Variants in BTBD7 observed in about 807,000 individuals in gnomAD.
BTBD7 encodes BTB/POZ domain-containing protein 7.
In BTBD7, 38 loss-of-function variants were observed where a neutral mutation model predicts 99.9. That is an observed-to-expected ratio of 0.38 (90% CI 0.29 to 0.50). BTBD7 has a LOEUF of 0.50. Ranked by LOEUF, BTBD7 falls within the 20% of genes least tolerant of loss-of-function variation. BTBD7 has a pLI of 0.93. For missense variants in BTBD7, 1,170 were observed against 1,394.6 expected (o/e 0.84, Z 2.57); for synonymous variants, 520 against 511.4 (o/e 1.02, Z -0.23).
chr14:93,247,501 A>G (rs561714696), intron 9 of BTBD7, among the ~76,000 whole-genome samples: 1 of 152,240 alleles, frequency 6.6e-6, no homozygotes, highest in East Asian at 1.9e-4. Context: ...CCACGCCACC[A>G]CACCTGGCTG....
intron 1 of BTBD7, among the ~76,000 whole-genome samples, chr14:93,325,964 T>C (rs1180447566): frequency 6.6e-6 from 1 of 152,164 alleles, no homozygotes. Context: ...AAAGTTACTA[T>C]ATTATTTGAA....
intron 3 of BTBD7, 72 bp downstream of exon 3, chr14:93,293,786 C>G: frequency 6.6e-7 from 1 of 1,513,170 alleles, no homozygotes; most frequent in Non-Finnish European, 8.9e-7. Flanking sequence ...ATAGAATATA[C>G]TGGTTGTGTT....
At chr14:93,257,430 A>C (rs1337868440) in intron 5 of BTBD7, 75 bp from the exon 6 acceptor site, 1 of 1,383,146 alleles carries the variant, frequency 7.2e-7, no homozygotes, top group African/African-American at 1.4e-5. Context: ...TCTCTAGTAC[A>C]TACACTAACA....
intron 8 of BTBD7, among the ~76,000 whole-genome samples, chr14:93,248,904 AAATAC>A (rs2052342496): frequency 6.6e-6 from 1 of 152,224 alleles, no homozygotes; most frequent in Non-Finnish European, 1.5e-5. Context: ...TTTACAGTTC[AAATAC>A]AATTTTACTT....
intron 1 of BTBD7, among the ~76,000 whole-genome samples, chr14:93,300,153 A>T (rs912554481): frequency 2.0e-5 from 3 of 152,080 alleles, no homozygotes; most frequent in African/African-American, 7.2e-5. Flanking sequence ...CAGTTCCTGT[A>T]TCTGTAACAT....
rs762978635 is a variant in BTBD7 at position 93,248,592 on chromosome 14, G to T, written c.2005C>A (p.Gln669Lys). ...RRLQELRHTE[Q>K]VQRAYALNCG... ...TTCAGGGCATAGGCCCTCTGCACCT[G>T]CTCCGTGTGCCGCAGTTCCTGCAGT... The change falls in exon 9 of 11, where the codon CAG (glutamine) becomes AAG (lysine). Residue 669 changes from glutamine to lysine, a missense_variant. By Grantham distance (53) the Gln-to-Lys change is moderately conservative. Around this residue, in one of 4 missense-constraint regions of BTBD7, gnomAD observed 309 missense variants for 342.0 expected, o/e 0.90. Coordinates refer to ENST00000334746, the MANE Select transcript of BTBD7 (RefSeq NM_001002860.4). 1 of 1,613,912 alleles carries T rather than the reference G, an allele frequency of 6.2e-7. No homozygotes were observed. Among genetic ancestry groups the T allele is most frequent in the Admixed American group, 1.7e-5 (1 of 60,014 alleles).
At chr14:93,283,243 ATTTC>A (rs2052741039) in intron 3 of BTBD7, among the ~76,000 whole-genome samples, 2 of 151,984 alleles carry the variant, frequency 1.3e-5, no homozygotes, top group African/African-American at 2.4e-5. Context: ...CACTCGGCTA[ATTTC>A]TTTCTATTCT....
chr14:93,266,869 AAAGGCGTG>A (rs1407349952), intron 3 of BTBD7, among the ~76,000 whole-genome samples: 1 of 152,238 alleles, frequency 6.6e-6, no homozygotes, highest in Non-Finnish European at 1.5e-5. Context: ...GATGACACCC[AAAGGCGTG>A]AAGATGTGCT....
intron 10 of BTBD7, among the ~76,000 whole-genome samples, chr14:93,243,472 C>T (rs539442981): frequency 6.6e-6 from 1 of 152,274 alleles, no homozygotes; most frequent in South Asian, 2.1e-4. Flanking sequence ...GGATTACAGG[C>T]GTGAGCCACC....
At chr14:93,269,672 G>A (rs911601763) in intron 3 of BTBD7, among the ~76,000 whole-genome samples, 7 of 152,106 alleles carry the variant, frequency 4.6e-5, no homozygotes, top group African/African-American at 1.7e-4. Flanking sequence ...GTAAAATTCA[G>A]CAAAAACACC....
intron 1 of BTBD7, among the ~76,000 whole-genome samples, chr14:93,307,738 CCT>C (rs1423284660): frequency 6.6e-6 from 1 of 152,218 alleles, no homozygotes; most frequent in Non-Finnish European, 1.5e-5. Context: ...CATTCACTAT[CCT>C]CTTTCTTCAG....
Position 93,242,755 on chromosome 14 carries a change from A to G in BTBD7, c.2917T>C (p.Phe973Leu). Residue 973 changes from phenylalanine to leucine, a missense_variant, in exon 11 of 11, where the codon TTT becomes CTT. Around this residue, in one of 4 missense-constraint regions of BTBD7, gnomAD observed 495 missense variants for 525.9 expected, o/e 0.94. Transcript: ENST00000334746. ...TTGTGGCTGTACAGATCGGGACCAA[A>G]ATATCCACCTTGCGAAGGGGAAGGG... ...RTPSPSQGGY[F>L]GPDLYSHNKA... is the part of the protein sequence containing the mutation. The G allele has an allele frequency of 6.2e-7, 1 of 1,614,174 alleles. No individual in the cohort carries two copies. The highest frequency in any genetic ancestry group is 1.1e-5 in the South Asian group (1 of 91,084).
Position 93,243,064 on chromosome 14 carries a change from G to C in BTBD7, c.2608C>G (p.Leu870Val), listed in dbSNP as rs2052254965. Residue 870 changes from leucine to valine, a missense_variant, in exon 11 of 11, where the codon CTG becomes GTG. Leu to Val is a conservative substitution (Grantham distance 32, BLOSUM62 1). Transcript: ENST00000334746. The part of the protein sequence containing the change: ...QVRTQPVLND[L>V]MPDIAVGVST... ...ACACCCACCGCGATGTCTGGCATCAGATCATTCAGCACAGGTTGTGTTCGC... is the reference window on the plus strand; with the variant it reads ...ACACCCACCGCGATGTCTGGCATCACATCATTCAGCACAGGTTGTGTTCGC... 4 of 1,613,990 alleles carry C rather than the reference G, an allele frequency of 2.5e-6. No individual in the cohort carries two copies. Among genetic ancestry groups the C allele is most frequent in the Non-Finnish European group, 3.4e-6 (4 of 1,179,978 alleles).
chr14:93,280,106 T>A (rs2052701847), intron 3 of BTBD7, among the ~76,000 whole-genome samples: 1 of 152,236 alleles, frequency 6.6e-6, no homozygotes, highest in South Asian at 2.1e-4. Context: ...TTTAGCTTCT[T>A]ACTATTTTAC....
chr14:93,314,212 T>C (rs775326438), intron 1 of BTBD7, among the ~76,000 whole-genome samples: 2 of 152,098 alleles, frequency 1.3e-5, no homozygotes, highest in Non-Finnish European at 2.9e-5. Context: ...CCCAGAGTAG[T>C]CAGTAGGGAA....
intron 3 of BTBD7, among the ~76,000 whole-genome samples, chr14:93,289,821 T>C (rs574585729): frequency 1.6e-3 from 244 of 151,306 alleles, no homozygotes; most frequent in Non-Finnish European, 2.9e-3. Context: ...ACACATTCTC[T>C]GTGTAGGCCA....
At chr14:93,258,128 A>G (rs901107229) in intron 5 of BTBD7, among the ~76,000 whole-genome samples, 5 of 125,636 alleles carry the variant, frequency 4.0e-5, no homozygotes, top group African/African-American at 1.9e-4. Context: ...AACACAGAAT[A>G]AGATCTTATT....
In BTBD7 at chr14:93,242,410, C is replaced by A; in HGVS notation, c.3262G>T (p.Gly1088Cys). The A allele has an allele frequency of 6.2e-7, 1 of 1,614,190 alleles. No homozygotes were observed. The highest frequency in any genetic ancestry group is 8.5e-7 in the Non-Finnish European group (1 of 1,180,040). ...CSSEAPEERS[G>C]RRLADSESLG... ...GACTCACTGTCTGCCAGTCTTCTAC[C>A]GGATCTCTCTTCGGGAGCTTCAGAG... is the stretch of plus-strand genomic sequence containing the variant. The change falls in exon 11 of 11, where the codon GGT (glycine) becomes TGT (cysteine). Residue 1088 changes from glycine (G) to cysteine (C), a missense_variant. Physicochemically the swap from Gly to Cys is radical, Grantham distance 159. Around this residue, in one of 4 missense-constraint regions of BTBD7, gnomAD observed 495 missense variants for 525.9 expected, o/e 0.94. Coordinates refer to ENST00000334746, the MANE Select transcript of BTBD7 (RefSeq NM_001002860.4).
intron 1 of BTBD7, among the ~76,000 whole-genome samples, chr14:93,296,524 A>G (rs1227526733): frequency 2.0e-5 from 3 of 152,230 alleles, no homozygotes; most frequent in African/African-American, 7.2e-5. Flanking sequence ...ATTATCTAAC[A>G]TTGTAAGCAA....
Sources: gnomAD v4.1 joint callset for allele counts (sites outside exome capture counted in the v4.1 genomes callset) on GRCh38, gnomAD v4.1.1 for gene constraint, gnomAD v4.1.1 regional missense constraint, MANE v1.5 for transcripts, NCBI Gene and HGNC (gene_info 2026-07-23, HGNC 2026-07-21) for gene names.